The following GRM7 variants were observed in gnomAD, a reference collection of about 807,000 sequenced individuals.
The protein encoded by GRM7 is metabotropic glutamate receptor 7.
A neutral mutation model predicts 84.5 loss-of-function variants in GRM7; 35 were observed. The observed-to-expected ratio is 0.41, with a 90% CI of 0.32 to 0.55. GRM7 has a LOEUF of 0.55. Among genes scored for constraint, GRM7 ranks in the 20% least tolerant of loss-of-function variants. GRM7 has a pLI of 0.19. For missense variants in GRM7, 1,003 were observed against 1,194.6 expected (o/e 0.84, Z 2.36); for synonymous variants, 487 against 455.1 (o/e 1.07, Z -0.89).
intron 2 of GRM7, among the ~76,000 whole-genome samples, chr3:7,215,832 T>TA (rs1464573482): frequency 4.6e-5 from 7 of 152,178 alleles, no homozygotes; most frequent in Non-Finnish European, 8.8e-5. Context: ...TTTGCTCTCT[T>TA]AGTCACTATC....
intron 4 of GRM7, among the ~76,000 whole-genome samples, chr3:7,309,045 G>A (rs1227770072): frequency 6.6e-6 from 1 of 152,202 alleles, no homozygotes; most frequent in Non-Finnish European, 1.5e-5. Flanking sequence ...TGATGGAATA[G>A]CAAGAGTTCA....
At chr3:7,153,756 A>G (rs1296516880) in intron 2 of GRM7, among the ~76,000 whole-genome samples, 1 of 152,118 alleles carries the variant, frequency 6.6e-6, no homozygotes, top group African/African-American at 2.4e-5. Context: ...TACCTTCTTT[A>G]TAGCAGGTAC....
At chr3:7,523,954 C>G (rs1700695252) in intron 7 of GRM7, among the ~76,000 whole-genome samples, 2 of 151,974 alleles carry the variant, frequency 1.3e-5, no homozygotes, top group African/African-American at 4.8e-5. Flanking sequence ...AATGCTTTTT[C>G]AAGGTAATAA....
At chr3:7,361,156 T>G (rs2125105296) in intron 4 of GRM7, among the ~76,000 whole-genome samples, 1 of 152,290 alleles carries the variant, frequency 6.6e-6, no homozygotes, top group South Asian at 2.1e-4. Flanking sequence ...ATTGTCTGTC[T>G]TCTGGATCCA....
At chr3:7,644,792 A>G (rs904707562) in intron 8 of GRM7, among the ~76,000 whole-genome samples, 4 of 152,156 alleles carry the variant, frequency 2.6e-5, no homozygotes, top group Non-Finnish European at 5.9e-5. Context: ...TTGGTAATCT[A>G]CAGTCTTAGG....
intron 1 of GRM7, among the ~76,000 whole-genome samples, chr3:7,001,185 A>G (rs1049657522): frequency 2.0e-5 from 3 of 152,128 alleles, no homozygotes; most frequent in Non-Finnish European, 4.4e-5. Context: ...ATATCCACAA[A>G]AAGATTTTTT....
At chr3:6,938,804 A>G (rs1697783744) in intron 1 of GRM7, among the ~76,000 whole-genome samples, 1 of 152,220 alleles carries the variant, frequency 6.6e-6, no homozygotes, top group African/African-American at 2.4e-5. Context: ...TAATGGAGGT[A>G]GACAGGTAGA....
At chr3:7,116,537 T>C (rs1326490455) in intron 1 of GRM7, among the ~76,000 whole-genome samples, 7 of 152,118 alleles carry the variant, frequency 4.6e-5, no homozygotes. Context: ...ATGCCCTTAT[T>C]TAAAAAGTGT....
rs535141759 is a variant in GRM7, at chr3:7,475,712, T to C, written c.1515+13990T>C. Among the ~76,000 whole-genome samples the C allele has an allele frequency of 3.3e-5, 5 of 152,334 alleles. No homozygotes were observed. The East Asian group carries it at 9.7e-4, about 29-fold the overall frequency. ...TTATAGTCATTACCTGACAACATTA[T>C]GGCAAAACCATTGAAGATTTTCTGG... On this transcript the variant is annotated intron_variant, in intron 7 of 9. Coordinates refer to ENST00000357716, the MANE Select transcript of GRM7 (RefSeq NM_000844.4).
intron 9 of GRM7, among the ~76,000 whole-genome samples, chr3:7,720,909 C>T (rs1426409914): frequency 6.6e-6 from 1 of 152,190 alleles, no homozygotes; most frequent in African/African-American, 2.4e-5. Context: ...TCTGAAATTG[C>T]ACTGGATGTG....
chr3:7,656,547 G>GCACACACACACACACGCA (rs1699203405), intron 8 of GRM7, among the ~76,000 whole-genome samples: 1 of 139,252 alleles, frequency 7.2e-6, no homozygotes, highest in Non-Finnish European at 1.5e-5. Flanking sequence ...ATACGCGCGC[G>GCACACACACACACACGCA]CACACACACA....
intron 9 of GRM7, among the ~76,000 whole-genome samples, chr3:7,722,918 A>C (rs1041684512): frequency 6.6e-6 from 1 of 152,186 alleles, no homozygotes; most frequent in Non-Finnish European, 1.5e-5. Context: ...TAGGAGATAA[A>C]AGTGAGACAA....
Position 7,192,573 on chromosome 3 carries a change from C to A in GRM7, c.736+45905C>A, listed in dbSNP as rs139659672. Among the ~76,000 whole-genome samples the A allele has an allele frequency of 3.6e-4, 55 of 152,180 alleles. No homozygotes were observed. In the East Asian group the frequency reaches 9.3e-3, roughly 26 times the overall value. On this transcript the variant is annotated intron_variant, in intron 2 of 9. Coordinates refer to ENST00000357716, the MANE Select transcript of GRM7 (RefSeq NM_000844.4). ...GAGTTTTGTTCTTTTCTTCCAGCTT[C>A]TGAGGAAGAAGTTGTGCCTAAGTGG...
chr3:7,109,892 A>T (rs1692784864), intron 1 of GRM7, among the ~76,000 whole-genome samples: 1 of 152,066 alleles, frequency 6.6e-6, no homozygotes, highest in African/African-American at 2.4e-5. Context: ...CAATCTTCTC[A>T]TCTAGAGTTG....
chr3:7,686,314 C>A, intron 9 of GRM7: 1 of 807,878 alleles, frequency 1.2e-6, no homozygotes. Context: ...ATATTGTGTG[C>A]ACATTTATTT....
At chr3:7,284,285 C>CGTGTGTGTGTGTGT (rs138776968) in intron 2 of GRM7, among the ~76,000 whole-genome samples, 42 of 131,134 alleles carry the variant, frequency 3.2e-4, no homozygotes, top group African/African-American at 1.0e-3. Flanking sequence ...CATGCTCACT[C>CGTGTGTGTGTGTGT]GTGTGTGTGT....
At chr3:7,547,096 T>C (rs1207680165) in intron 7 of GRM7, among the ~76,000 whole-genome samples, 2 of 151,572 alleles carry the variant, frequency 1.3e-5, no homozygotes, top group East Asian at 1.9e-4. Context: ...GAAAATTCAA[T>C]TAATTGAAGT....
At chr3:7,195,939 A>C (rs994103736) in intron 2 of GRM7, among the ~76,000 whole-genome samples, 2 of 152,142 alleles carry the variant, frequency 1.3e-5, no homozygotes, top group African/African-American at 4.8e-5. Context: ...AACCGATAGG[A>C]TGTGTGGATA....
intron 4 of GRM7, among the ~76,000 whole-genome samples, chr3:7,337,211 C>T (rs1304152830): frequency 1.3e-5 from 2 of 152,060 alleles, no homozygotes; most frequent in Non-Finnish European, 2.9e-5. Context: ...AATTGGCAAG[C>T]CACACGTCGA....
Sources: gnomAD v4.1 joint callset for allele counts (sites outside exome capture counted in the v4.1 genomes callset) on GRCh38, gnomAD v4.1.1 for gene constraint, MANE v1.5 for transcripts, NCBI Gene and HGNC (gene_info 2026-07-23, HGNC 2026-07-21) for gene names.